Variants in DGKB observed in about 807,000 individuals in gnomAD.
DGKB encodes the protein 90 kDa diacylglycerol kinase.
A neutral mutation model predicts 114.3 loss-of-function variants in DGKB; 67 were observed. The ratio of observed to expected loss-of-function variants is 0.59; its 90% CI spans 0.48 to 0.72. The LOEUF (loss-of-function observed/expected upper bound fraction) is 0.72. Ranked by LOEUF, DGKB falls within the 30% of genes least tolerant of loss-of-function variation. DGKB has a pLI of 0.00. For missense variants in DGKB, 907 were observed against 975.2 expected (o/e 0.93, Z 0.93); for synonymous variants, 398 against 323.1 (o/e 1.23, Z -2.49).
chr7:14,423,699 A>C (rs1827083786), intron 21 of DGKB, among the ~76,000 whole-genome samples: 1 of 152,110 alleles, frequency 6.6e-6, no homozygotes, highest in Admixed American at 6.6e-5. Flanking sequence ...AACAGAGATA[A>C]TTGATATTTC....
chr7:14,926,627 C>T (rs1452492958), intron 1 of DGKB, among the ~76,000 whole-genome samples: 1 of 151,030 alleles, frequency 6.6e-6, no homozygotes, highest in African/African-American at 2.4e-5. Context: ...TTTAATTGGT[C>T]AATTTTTATG....
At chr7:14,245,748 T>G (rs1794378145) in intron 23 of DGKB, among the ~76,000 whole-genome samples, 1 of 152,018 alleles carries the variant, frequency 6.6e-6, no homozygotes, top group African/African-American at 2.4e-5. Context: ...GCCAACATGG[T>G]GAAACCCCGT....
rs117742808 is a variant in DGKB, at chr7:14,471,761, A to G, written c.1835+6400T>C. On this transcript the variant is annotated intron_variant, in intron 21 of 25. Transcript: ENST00000402815. ...TTTTTGCACTATAAAAGCATAAACT[A>G]TAAAGGTAGTAAGATATATAGAAAA... Among the ~76,000 whole-genome samples the G allele has an allele frequency of 5.4e-3, 822 of 152,258 alleles. 10 individuals are homozygous for G. The highest frequency in any genetic ancestry group is 9.7e-3 in the Non-Finnish European group (660 of 67,980).
At chr7:14,842,888 C>A (rs942246337) in intron 1 of DGKB, among the ~76,000 whole-genome samples, 1 of 152,202 alleles carries the variant, frequency 6.6e-6, no homozygotes, top group Non-Finnish European at 1.5e-5. Context: ...TATCTTGTCA[C>A]TTCCAGAAGC....
chr7:14,639,438 C>G, intron 13 of DGKB, among the ~76,000 whole-genome samples: 1 of 152,180 alleles, frequency 6.6e-6, no homozygotes, highest in East Asian at 1.9e-4. Flanking sequence ...TAGCTCAAAG[C>G]AGATCCTTTG....
chr7:14,867,707 C>T (rs182979881), intron 1 of DGKB, among the ~76,000 whole-genome samples: 6 of 152,088 alleles, frequency 3.9e-5, no homozygotes, highest in African/African-American at 1.2e-4. Flanking sequence ...TTTAATATAT[C>T]GTAAAACTAA....
chr7:14,953,565 G>A (rs887682532), intron 1 of DGKB, among the ~76,000 whole-genome samples: 33 of 152,112 alleles, frequency 2.2e-4, no homozygotes, highest in African/African-American at 7.2e-4. Flanking sequence ...TGACATAAAT[G>A]GAGATATTAG....
intron 21 of DGKB, among the ~76,000 whole-genome samples, chr7:14,382,561 G>C (rs1235738674): frequency 1.3e-5 from 2 of 152,056 alleles, no homozygotes; most frequent in African/African-American, 4.8e-5. Context: ...GTAATTTTTA[G>C]ACATCTCTAT....
intron 20 of DGKB, among the ~76,000 whole-genome samples, chr7:14,557,162 C>T (rs1373782338): frequency 2.6e-5 from 4 of 152,074 alleles, no homozygotes; most frequent in Non-Finnish European, 4.4e-5. Flanking sequence ...TTAGGTGATT[C>T]GAATTCATGC....
Position 14,721,431 on chromosome 7 carries a change from T to G in DGKB, c.323-2746A>C, listed in dbSNP as rs200002290. On this transcript the variant is annotated intron_variant, in intron 5 of 25. Transcript: ENST00000402815. ...TGCTACTGTACTAAAATTATTTTTG[T>G]TTGGAAAAATGAGTAATATTTTCCA... Among the ~76,000 whole-genome samples, 6 of 152,326 alleles carry G rather than the reference T, an allele frequency of 3.9e-5. No homozygotes were observed. In the East Asian group the frequency reaches 1.2e-3, roughly 29 times the overall value.
chr7:14,844,260 T>G (rs1032240320), intron 1 of DGKB, among the ~76,000 whole-genome samples: 3 of 152,222 alleles, frequency 2.0e-5, no homozygotes, highest in African/African-American at 7.2e-5. Context: ...TGGTGACATG[T>G]TGGCTGCAAA....
intron 23 of DGKB, among the ~76,000 whole-genome samples, chr7:14,219,003 A>C (rs1159190521): frequency 6.6e-6 from 1 of 151,972 alleles, no homozygotes; most frequent in Non-Finnish European, 1.5e-5. Flanking sequence ...TGAATATTTC[A>C]TACAAATGGA....
Position 14,613,542 on chromosome 7 carries a change from T to C in DGKB, c.1285-129A>G, listed in dbSNP as rs1304463610. ...AATATTACTTTCCACAATGTGTGTG[T>C]GTGCATGTGTGTGTGAGTGTGTGCG... On this transcript the variant is annotated intron_variant, in intron 15 of 25. Transcript: ENST00000402815. 8.2e-6 allele frequency: 5 copies of C among 610,440 alleles called. No individual in the cohort carries two copies. The East Asian group carries it at 1.5e-4, about 18-fold the overall frequency. 37.8% of individuals were successfully genotyped at this position (610,440 alleles called of 1,614,324 possible).
chr7:14,966,256 C>A lies in DGKB; in HGVS notation c.-188+8440G>T, dbSNP rs543972918. Among the ~76,000 whole-genome samples the A allele has an allele frequency of 2.7e-4, 41 of 151,968 alleles. 1 individual carries two copies. In the South Asian group the frequency reaches 8.3e-3, roughly 31 times the overall value. Reference sequence around the variant, plus strand: ...TTAGACATATAGTACACTGATGAACCCAGTCTTAAGAGGCTTTTTTATACC... The same window carrying A: ...TTAGACATATAGTACACTGATGAACACAGTCTTAAGAGGCTTTTTTATACC... On this transcript the variant is annotated intron_variant, in intron 1 of 4. Coordinates refer to the DGKB transcript ENST00000437998.
At chr7:14,687,296 A>G (rs1821884330) in intron 9 of DGKB, among the ~76,000 whole-genome samples, 1 of 152,188 alleles carries the variant, frequency 6.6e-6, no homozygotes, top group Non-Finnish European at 1.5e-5. Flanking sequence ...TGGACCCTTT[A>G]CAATTCTTGA....
intron 1 of DGKB, among the ~76,000 whole-genome samples, chr7:14,974,212 T>G (rs1787659148): frequency 1.3e-5 from 2 of 152,060 alleles, no homozygotes; most frequent in Non-Finnish European, 2.9e-5. Context: ...GCTGTGCATT[T>G]GTAAACGAGT....
At chr7:14,250,648 CT>C (rs934462883) in intron 23 of DGKB, among the ~76,000 whole-genome samples, 5 of 152,034 alleles carry the variant, frequency 3.3e-5, no homozygotes, top group African/African-American at 9.7e-5. Flanking sequence ...TTATATGTTT[CT>C]TGTGTTCATT....
intron 1 of DGKB, among the ~76,000 whole-genome samples, chr7:14,901,951 A>C (rs217600): frequency 0.1 from 15,154 of 152,178 alleles, 1,092 homozygotes; most frequent in Non-Finnish European, 0.15. Context: ...AAATCACAAG[A>C]AAGAGACTGT....
intron 23 of DGKB, among the ~76,000 whole-genome samples, chr7:14,180,227 A>C (rs1299561357): frequency 6.6e-6 from 1 of 152,158 alleles, no homozygotes. Flanking sequence ...AATTTCTGCA[A>C]TGATCTGAAA....
Sources: gnomAD v4.1 joint callset for allele counts (sites outside exome capture counted in the v4.1 genomes callset) on GRCh38, gnomAD v4.1.1 for gene constraint, MANE v1.5 for transcripts, NCBI Gene and HGNC (gene_info 2026-07-23, HGNC 2026-07-21) for gene names.